NVL: variants seen among roughly 807,000 people sequenced by gnomAD.
The protein encoded by NVL is nuclear VCP like.
In NVL, 84 loss-of-function variants were observed where a neutral mutation model predicts 110.2. The observed-to-expected ratio is 0.76, with a 90% CI of 0.64 to 0.91. NVL has a LOEUF of 0.91. Ranked by LOEUF, NVL falls within the 40% of genes least tolerant of loss-of-function variation. The pLI is 0.00. For synonymous variants in NVL, 354 were observed against 361.1 expected (o/e 0.98, Z 0.22); for missense variants, 882 against 1,035.9 (o/e 0.85, Z 2.04).
At chr1:224,288,079 T>C in intron 13 of NVL, 86 bp from the exon 14 acceptor site, 1 of 954,036 alleles carries the variant, frequency 1.0e-6, no homozygotes, top group Non-Finnish European at 1.6e-6. Flanking sequence ...TAAAAATTAT[T>C]ACTGTAATAT....
At chr1:224,272,102 G>A (rs1291347448) in intron 17 of NVL, among the ~76,000 whole-genome samples, 1 of 151,916 alleles carries the variant, frequency 6.6e-6, no homozygotes, top group Non-Finnish European at 1.5e-5. Flanking sequence ...TTGGAAGGCT[G>A]AGGCAGGTGG....
chr1:224,320,784 C>T (rs557603780), intron 2 of NVL, among the ~76,000 whole-genome samples: 15 of 152,240 alleles, frequency 9.9e-5, no homozygotes, highest in African/African-American at 3.4e-4. Context: ...CGAGTAGGTA[C>T]GATGACAGAC....
At chr1:224,278,937 A>G (rs1298848125) in intron 16 of NVL, among the ~76,000 whole-genome samples, 1 of 152,028 alleles carries the variant, frequency 6.6e-6, no homozygotes, top group African/African-American at 2.4e-5. Flanking sequence ...TATGTTGCCC[A>G]TGCTGGTCTC....
chr1:224,258,142 G>A (rs1454489405), intron 18 of NVL, among the ~76,000 whole-genome samples: 1 of 152,184 alleles, frequency 6.6e-6, no homozygotes, highest in Non-Finnish European at 1.5e-5. Flanking sequence ...GAAAACATAT[G>A]TAGATCACAT....
intron 8 of NVL, 28 bp from the exon 9 acceptor site, chr1:224,303,885 T>C (rs1293455866): frequency 6.3e-7 from 1 of 1,582,096 alleles, no homozygotes; most frequent in East Asian, 2.3e-5. Flanking sequence ...CAAAGATGTC[T>C]TTCAAGACAG....
chr1:224,323,821 T>C (rs565047048), intron 2 of NVL, among the ~76,000 whole-genome samples: 2 of 152,322 alleles, frequency 1.3e-5, no homozygotes, highest in East Asian at 3.9e-4. Context: ...CAAAGAGGAT[T>C]ATTCTAACAT....
intron 18 of NVL, among the ~76,000 whole-genome samples, chr1:224,258,167 T>G (rs540998236): frequency 6.6e-6 from 1 of 152,264 alleles, no homozygotes; most frequent in Admixed American, 6.5e-5. Context: ...GATTTTAGAT[T>G]TGTATCTAGA....
At chr1:224,266,632 A>G (rs541840601) in intron 18 of NVL, among the ~76,000 whole-genome samples, 24 of 152,352 alleles carry the variant, frequency 1.6e-4, no homozygotes, top group African/African-American at 5.8e-4. Context: ...AAAACAAAAC[A>G]GACTAAGACA....
chr1:224,272,962 AGGC>A (rs1188803688), intron 17 of NVL, among the ~76,000 whole-genome samples: 1 of 142,240 alleles, frequency 7.0e-6, no homozygotes, highest in Non-Finnish European at 1.5e-5. Flanking sequence ...TGAACCCGGG[AGGC>A]GGAGCTTGCA....
chr1:224,245,351 T>C (rs1023765246), intron 19 of NVL, among the ~76,000 whole-genome samples: 1 of 152,182 alleles, frequency 6.6e-6, no homozygotes, highest in Non-Finnish European at 1.5e-5. Flanking sequence ...AACAAAGCTT[T>C]TTAAACAAAA....
intron 17 of NVL, among the ~76,000 whole-genome samples, chr1:224,274,844 A>T (rs1665591859): frequency 2.0e-5 from 3 of 152,116 alleles, no homozygotes; most frequent in Admixed American, 2.0e-4. Flanking sequence ...AGTGCAGATC[A>T]ATTTTATATC....
At chr1:224,282,269 C>T (rs1053930278) in intron 15 of NVL, among the ~76,000 whole-genome samples, 1 of 151,872 alleles carries the variant, frequency 6.6e-6, no homozygotes, top group African/African-American at 2.4e-5. Flanking sequence ...GGTTTTGCCA[C>T]ATTGCCCAGG....
At chr1:224,307,018 T>TG (rs138726406) in intron 6 of NVL, among the ~76,000 whole-genome samples, 2,512 of 152,288 alleles carry the variant, frequency 0.016, 60 homozygotes, top group African/African-American at 0.056. Context: ...GAAGCATCAT[T>TG]GTCCATGAGG....
chr1:224,301,960 C>T (rs1201766155), intron 9 of NVL, among the ~76,000 whole-genome samples: 1 of 152,034 alleles, frequency 6.6e-6, no homozygotes, highest in East Asian at 1.9e-4. Flanking sequence ...TCTTGTCTTC[C>T]ATTTATTATA....
intron 1 of NVL, among the ~76,000 whole-genome samples, chr1:224,328,412 C>T (rs1055245116): frequency 6.7e-6 from 1 of 148,400 alleles, no homozygotes; most frequent in Non-Finnish European, 1.5e-5. Context: ...CCCACGTACT[C>T]GGGAGGCTGA....
chr1:224,298,297 C>A, intron 10 of NVL: 1 of 278,602 alleles, frequency 3.6e-6, no homozygotes, highest in Non-Finnish European at 6.8e-6. Context: ...ACAAGTGTTA[C>A]CACCACAAAA....
chr1:224,309,000 G>A (rs1354551465), intron 5 of NVL, among the ~76,000 whole-genome samples: 2 of 148,724 alleles, frequency 1.3e-5, no homozygotes, highest in African/African-American at 2.5e-5. Context: ...GGCGGAGCTT[G>A]CAGTGAGCCG....
At chr1:224,241,626 CG>C (rs1661202364) in intron 19 of NVL, among the ~76,000 whole-genome samples, 1 of 151,844 alleles carries the variant, frequency 6.6e-6, no homozygotes, top group African/African-American at 2.4e-5. Flanking sequence ...GAGGCCGAGG[CG>C]GGTGGATCAC....
chr1:224,287,951 G>A lies in NVL; in HGVS notation c.1618C>T (p.Pro540Ser). 2 of 1,613,686 alleles carry A rather than the reference G, an allele frequency of 1.2e-6. No individual in the cohort carries two copies. Among genetic ancestry groups the A allele is most frequent in the Non-Finnish European group, 1.7e-6 (2 of 1,180,012 alleles). Residue 540 changes from proline to serine, a missense_variant, in exon 14 of 23, where the codon CCC becomes TCC. Pro to Ser is a moderately conservative substitution (Grantham distance 74). Transcript: ENST00000281701. ...RLLGLLRDQD[P>S]LSEEQMQGLC... ...CCTTGCATCTGCTCCTCTGAGAGGGGATCTTGGTCTCTTAGCAACCCCAGC... is the reference window on the plus strand; with the variant it reads ...CCTTGCATCTGCTCCTCTGAGAGGGAATCTTGGTCTCTTAGCAACCCCAGC...
Sources: allele counts gnomAD v4.1 joint callset (sites outside exome capture counted in the v4.1 genomes callset), GRCh38; gene constraint gnomAD v4.1.1; transcripts MANE v1.5; gene names NCBI Gene and HGNC (gene_info 2026-07-23, HGNC 2026-07-21).